Variants in API5 observed in about 807,000 individuals in gnomAD.
The protein encoded by API5 is apoptosis inhibitor 5, also known as FIF.
A neutral mutation model predicts 71.9 loss-of-function variants in API5; 6 were observed. That is an observed-to-expected ratio of 0.08 (90% CI 0.05 to 0.16). The LOEUF is 0.16. Ranked by LOEUF, API5 falls within the 10% of genes least tolerant of loss-of-function variation. The pLI is 1.00. For synonymous variants in API5, 189 were observed against 221.3 expected (o/e 0.85, Z 1.30); for missense variants, 332 against 612.8 (o/e 0.54, Z 4.84).
At position 43,323,446 on chromosome 11, in the gene API5, C is replaced by T. The variant is rs1188107988; in HGVS notation, c.560C>T (p.Thr187Ile). ...CTTTTCCAGGTCCTAGAAGATGTGA[C>T]TGGTGAAGAATTTGTTCTATTTATG... ...TESKKVLEDV[T>I]GEEFVLFMKI... is the part of the protein sequence containing the mutation. Residue 187 changes from threonine to isoleucine, a missense_variant, in exon 6 of 14, where the codon ACT (threonine) becomes ATT (isoleucine). This residue lies in a region of API5 where 127 missense variants were observed against 237.6 expected (regional missense o/e 0.53). Transcript: ENST00000531273. 1 of 1,613,820 alleles carries T rather than the reference C, an allele frequency of 6.2e-7. No homozygotes were observed. Among genetic ancestry groups the T allele is most frequent in the Non-Finnish European group, 8.5e-7 (1 of 1,179,878 alleles).
In API5 at chr11:43,343,336, T is replaced by C. The variant is rs1348602757; in HGVS notation, c.*826T>C. 6.6e-6 allele frequency: 1 copy of C among 152,312 alleles called. No individual in the cohort carries two copies. The highest frequency in any genetic ancestry group is 6.6e-5 in the Admixed American group (1 of 15,266). The allele number at this position is 152,312 out of a possible 1,614,324, so 9.4% of individuals were successfully genotyped here. On this transcript the variant is annotated 3_prime_UTR_variant, in exon 14 of 14. Coordinates refer to ENST00000531273, the MANE Select transcript of API5 (RefSeq NM_001142930.2). ...GGCTGAATCCGTTATTAACTTGTTA[T>C]TTAGGTTTTTACTCCCAGTAGCAAG...
intron 13 of API5, among the ~76,000 whole-genome samples, chr11:43,338,329 C>T (rs1023799531): frequency 3.3e-5 from 5 of 152,172 alleles, no homozygotes; most frequent in Non-Finnish European, 2.9e-5. Flanking sequence ...TATTGGTTCT[C>T]ACAAATTAGT....
rs1197067294 is a variant in API5 at position 43,342,371 on chromosome 11, G to A, written c.1493-57G>A. ...GAGTTATGAGCTACGTTTCTTCTGC[G>A]TTTGCTGCACCATGAAATCCTAAGC... On this transcript the variant is annotated intron_variant, in intron 13 of 13. Transcript: ENST00000531273. 7 of 1,456,040 alleles carry A rather than the reference G, an allele frequency of 4.8e-6. No individual in the cohort carries two copies. The East Asian group carries it at 6.8e-5, about 14-fold the overall frequency. 90.2% of individuals were successfully genotyped at this position (1,456,040 alleles called of 1,614,324 possible).
At chr11:43,335,640 A>G (rs1855407723) in intron 12 of API5, among the ~76,000 whole-genome samples, 2 of 152,202 alleles carry the variant, frequency 1.3e-5, no homozygotes, top group African/African-American at 4.8e-5. Context: ...GTGAAGCTAC[A>G]TATTTCAGAT....
chr11:43,318,486 AGT>A, intron 1 of API5, 152 bp from the exon 2 acceptor site: 2 of 1,537,760 alleles, frequency 1.3e-6, no homozygotes, highest in South Asian at 1.2e-5. Context: ...TGGGAAGGTA[AGT>A]GTCAGTTTGA....
At chr11:43,321,047 TTTCA>T (rs1451720384) in intron 3 of API5, 133 bp downstream of exon 3, 9 of 701,270 alleles carry the variant, frequency 1.3e-5, no homozygotes, top group Admixed American at 5.8e-5. Context: ...AATTTCCTAC[TTTCA>T]TTCAGTAGTT....
At chr11:43,314,117 A>G (rs1187529275) in intron 1 of API5, among the ~76,000 whole-genome samples, 1 of 152,040 alleles carries the variant, frequency 6.6e-6, no homozygotes, top group African/African-American at 2.4e-5. Context: ...AAAAAAAGAT[A>G]CAAACTATGT....
At chr11:43,324,043 A>C (rs1854985814) in intron 6 of API5, among the ~76,000 whole-genome samples, 1 of 152,058 alleles carries the variant, frequency 6.6e-6, no homozygotes, top group Non-Finnish European at 1.5e-5. Flanking sequence ...TTTGAGACAG[A>C]GTCTTGCCCT....
At chr11:43,323,925 G>C (rs1161427516) in intron 6 of API5, among the ~76,000 whole-genome samples, 1 of 152,192 alleles carries the variant, frequency 6.6e-6, no homozygotes. Flanking sequence ...TCAGATTTGG[G>C]ATTTTCAGAT....
chr11:43,321,584 T>A, intron 4 of API5, 108 bp downstream of exon 4: 1 of 891,070 alleles, frequency 1.1e-6, no homozygotes, highest in Non-Finnish European at 1.7e-6. Context: ...TTCTATTTCA[T>A]AAAAATTCTA....
intron 11 of API5, among the ~76,000 whole-genome samples, chr11:43,331,774 T>C (rs1194933002): frequency 6.6e-6 from 1 of 152,080 alleles, no homozygotes; most frequent in Middle Eastern, 3.2e-3. Context: ...GCAGCAGTGA[T>C]TAGATGTTGA....
intron 13 of API5, chr11:43,340,098 G>A (rs1442042239): frequency 1.6e-5 from 3 of 188,116 alleles, no homozygotes; most frequent in Non-Finnish European, 3.3e-5. Flanking sequence ...AAAGTTAGAA[G>A]ATACAAAATT....
chr11:43,339,570 T>TATGA (rs1855544839), intron 13 of API5, among the ~76,000 whole-genome samples: 1 of 152,218 alleles, frequency 6.6e-6, no homozygotes, highest in Non-Finnish European at 1.5e-5. Context: ...ACTCTTGTTC[T>TATGA]GTACATCACA....
chr11:43,336,604 G>A (rs150047700), intron 13 of API5, among the ~76,000 whole-genome samples: 260 of 152,188 alleles, frequency 1.7e-3, no homozygotes, highest in African/African-American at 5.5e-3. Context: ...CCTCTCCCAC[G>A]GCTGTCGAAT....
Position 43,336,629 on chromosome 11 carries a change from A to C in API5, c.1492+635A>C, listed in dbSNP as rs992511390. ...GGCTGTCGAATCAAAAGTAAAGTTT[A>C]TCTCTCATTGGCTTATTTCCTCATG... is the stretch of plus-strand genomic sequence containing the variant. On this transcript the variant is annotated intron_variant, in intron 13 of 13. Transcript: ENST00000531273. 5.3e-5 allele frequency among the ~76,000 whole-genome samples: 8 copies of C among 152,152 alleles called. 1 individual carries two copies. Among genetic ancestry groups the C allele is most frequent in the African/African-American group, 1.9e-4 (8 of 41,422 alleles).
Position 43,316,535 on chromosome 11 carries a change from T to G in API5, c.70-2105T>G, listed in dbSNP as rs1854678308. On this transcript the variant is annotated intron_variant, in intron 1 of 13. Transcript: ENST00000531273. Reference sequence around the variant, plus strand: ...AAACTTTGATTTTATGAAGCCTGCCTAGAAGTCTGAGGCAAACCACAGGAA... The same window carrying G: ...AAACTTTGATTTTATGAAGCCTGCCGAGAAGTCTGAGGCAAACCACAGGAA... 5.9e-5 allele frequency among the ~76,000 whole-genome samples: 9 copies of G among 152,310 alleles called. No individual in the cohort carries two copies. In the South Asian group the frequency reaches 1.9e-3, roughly 32 times the overall value.
At chr11:43,330,594 G>A in intron 11 of API5, 30 bp downstream of exon 11, 1 of 1,469,394 alleles carries the variant, frequency 6.8e-7, no homozygotes, top group Non-Finnish European at 9.4e-7. Context: ...TGACATTTCT[G>A]CAGTTACCAT....
chr11:43,330,259 T>G, intron 10 of API5: 1 of 612,994 alleles, frequency 1.6e-6, no homozygotes, highest in Non-Finnish European at 2.8e-6. Context: ...GCATGTGACC[T>G]TACTCATTTT....
At chr11:43,315,729 C>G (rs1220987412) in intron 1 of API5, among the ~76,000 whole-genome samples, 1 of 152,112 alleles carries the variant, frequency 6.6e-6, no homozygotes, top group Non-Finnish European at 1.5e-5. Flanking sequence ...GCCTTTCCCC[C>G]ACTCTGCCTC....
Sources: gnomAD v4.1 joint callset for allele counts (sites outside exome capture counted in the v4.1 genomes callset) on GRCh38, gnomAD v4.1.1 for gene constraint, gnomAD v4.1.1 regional missense constraint, MANE v1.5 for transcripts, NCBI Gene and HGNC (gene_info 2026-07-23, HGNC 2026-07-21) for gene names.